ME3: variants seen among roughly 807,000 people sequenced by gnomAD.
ME3 encodes malic enzyme 3, also known as NADP-dependent malic enzyme, mitochondrial.
ME3 carries 48 observed loss-of-function variants against 68.9 expected under a neutral mutation model. The ratio of observed to expected loss-of-function variants is 0.70; its 90% confidence interval spans 0.55 to 0.89. The LOEUF is 0.89. Among genes scored for constraint, ME3 ranks in the 40% least tolerant of loss-of-function variants. ME3 has a pLI of 0.00. For synonymous variants in ME3, 320 were observed against 318.8 expected, an observed-to-expected ratio of 1.00 and a Z score of -0.04; for missense variants, 675 against 797.4, an observed-to-expected ratio of 0.85 and a Z score of 1.85.
chr11:86,553,260 G>A (rs1057154710), intron 4 of ME3, among the ~76,000 whole-genome samples: 1 of 152,242 alleles, frequency 6.6e-6, no homozygotes, highest in Non-Finnish European at 1.5e-5. Context: ...AGGCAGGTTG[G>A]AGTCTCAATT....
chr11:86,601,225 A>G (rs1478379320), intron 2 of ME3, among the ~76,000 whole-genome samples: 29 of 152,214 alleles, frequency 1.9e-4, no homozygotes, highest in Non-Finnish European at 3.2e-4. Flanking sequence ...TAAAGAAAAA[A>G]AGAGAGAAGA....
chr11:86,603,110 A>C (rs1960989375), intron 2 of ME3, among the ~76,000 whole-genome samples: 1 of 152,244 alleles, frequency 6.6e-6, no homozygotes, highest in African/African-American at 2.4e-5. Flanking sequence ...TATCTAATTA[A>C]ACTAAAGAGC....
At chr11:86,448,817 G>A (rs74410015) in intron 10 of ME3, among the ~76,000 whole-genome samples, 8,161 of 152,276 alleles carry the variant, frequency 0.054, 297 homozygotes, top group Non-Finnish European at 0.084. Flanking sequence ...CATAAGTGCT[G>A]GTAAATGGGT....
intron 4 of ME3, among the ~76,000 whole-genome samples, chr11:86,529,743 C>G: frequency 6.6e-6 from 1 of 152,024 alleles, no homozygotes. Flanking sequence ...ATAAACAGAA[C>G]CAAAGACAAA....
rs549892230 is a variant in ME3, at chr11:86,471,054, C to T, written c.810-5854G>A. On this transcript the variant is annotated intron_variant, in intron 7 of 14. Transcript: ENST00000543262. ...CCACTGTGGGCCTTTGCACGGTCCC[C>T]TGTCTTTGCTCAAGCTGCTGGTTCT... 2.0e-5 allele frequency among the ~76,000 whole-genome samples: 3 copies of T among 151,554 alleles called. No individual in the cohort carries two copies. The South Asian group carries it at 6.2e-4, about 32-fold the overall frequency.
intron 7 of ME3, among the ~76,000 whole-genome samples, chr11:86,480,862 G>A (rs998377334): frequency 2.0e-5 from 3 of 152,068 alleles, no homozygotes; most frequent in Non-Finnish European, 4.4e-5. Flanking sequence ...TCCATGGCAG[G>A]GTGAGCTCAG....
At chr11:86,608,166 A>T (rs760272476) in intron 2 of ME3, among the ~76,000 whole-genome samples, 4 of 152,212 alleles carry the variant, frequency 2.6e-5, no homozygotes, top group Non-Finnish European at 4.4e-5. Context: ...GGAAGGTTCC[A>T]AACATTTTTA....
At chr11:86,652,709 A>C (rs936477262) in intron 2 of ME3, among the ~76,000 whole-genome samples, 19 of 152,040 alleles carry the variant, frequency 1.2e-4, no homozygotes, top group Non-Finnish European at 2.8e-4. Flanking sequence ...TCACCAGCTA[A>C]CATCATAATG....
intron 8 of ME3, among the ~76,000 whole-genome samples, chr11:86,460,727 T>C (rs1439899528): frequency 6.6e-6 from 1 of 152,256 alleles, no homozygotes. Context: ...CCCAACCCTC[T>C]GTGGTTCTGT....
At chr11:86,506,703 A>G (rs1376200926) in intron 5 of ME3, among the ~76,000 whole-genome samples, 1 of 152,316 alleles carries the variant, frequency 6.6e-6, no homozygotes, top group Non-Finnish European at 1.5e-5. Flanking sequence ...AACTGAATTC[A>G]TCCAACTCTG....
At chr11:86,670,454 C>T (rs1027845957) in intron 2 of ME3, among the ~76,000 whole-genome samples, 1 of 152,158 alleles carries the variant, frequency 6.6e-6, no homozygotes. Context: ...ATAAAGGAGC[C>T]TTTGTGTGCT....
chr11:86,451,562 C>T (rs1196501107), intron 8 of ME3, among the ~76,000 whole-genome samples: 1 of 152,204 alleles, frequency 6.6e-6, no homozygotes. Context: ...AATGATTAAC[C>T]TGTCAAACAC....
At chr11:86,493,265 C>G (rs1337531502) in intron 6 of ME3, among the ~76,000 whole-genome samples, 1 of 152,234 alleles carries the variant, frequency 6.6e-6, no homozygotes, top group Non-Finnish European at 1.5e-5. Context: ...CCTAACCAAA[C>G]ATGACTCCCC....
intron 2 of ME3, among the ~76,000 whole-genome samples, chr11:86,598,809 G>A (rs185517842): frequency 1.5e-3 from 223 of 152,280 alleles, no homozygotes; most frequent in Middle Eastern, 3.4e-3. Flanking sequence ...CCACAGTTCT[G>A]CAGACACCGC....
intron 2 of ME3, among the ~76,000 whole-genome samples, chr11:86,602,803 A>G (rs970599436): frequency 6.6e-6 from 1 of 152,216 alleles, no homozygotes; most frequent in African/African-American, 2.4e-5. Context: ...CCACATATCT[A>G]CAACTATCTG....
rs1594387438 is a variant in ME3 at position 86,546,314 on chromosome 11, G to A, written c.467+10239C>T. Among the ~76,000 whole-genome samples the A allele has an allele frequency of 2.0e-5, 3 of 152,260 alleles. No homozygotes were observed. In the South Asian group the frequency reaches 6.2e-4, roughly 32 times the overall value. ...GGCAACAAAGCCAAAATTGATAACT[G>A]TGATCTAATTAAACTAAAAAGCTTC... On this transcript the variant is annotated intron_variant, in intron 4 of 14. Coordinates refer to ENST00000543262, the Ensembl canonical transcript of ME3.
chr11:86,436,946 A>T (rs1315972902), downstream of ME3: 1 of 152,180 alleles, frequency 6.6e-6, no homozygotes, highest in Admixed American at 6.5e-5. Context: ...GTATAAATTT[A>T]AGGTGTACAA....
intron 5 of ME3, among the ~76,000 whole-genome samples, chr11:86,499,264 G>A (rs1952563719): frequency 6.6e-6 from 1 of 152,134 alleles, no homozygotes; most frequent in African/African-American, 2.4e-5. Flanking sequence ...AAAATGGGAA[G>A]TCAGGCAGGA....
At position 86,446,794 on chromosome 11, in the gene ME3, G is replaced by C. The variant is rs867820639; in HGVS notation, c.1380+271C>G. ...TGGCCTAGAGTCTACAAGTGCCTCAGGTTTTGGGTGCTGGTCAAAGCTCTG... is the reference window on the plus strand; with the variant it reads ...TGGCCTAGAGTCTACAAGTGCCTCACGTTTTGGGTGCTGGTCAAAGCTCTG... On this transcript the variant is annotated intron_variant, in intron 12 of 14. Transcript: ENST00000543262. The C allele has an allele frequency of 3.2e-5, 19 of 592,298 alleles. No individual in the cohort carries two copies. The South Asian group carries it at 3.8e-4, about 12-fold the overall frequency. 36.7% of individuals were successfully genotyped at this position (592,298 alleles called of 1,614,324 possible). A position where few individuals can be genotyped will look rare whatever the true frequency, so the allele number is the denominator to read the frequency against.
Sources: allele counts gnomAD v4.1 joint callset (sites outside exome capture counted in the v4.1 genomes callset), GRCh38; gene constraint gnomAD v4.1.1; transcripts MANE v1.5; gene names NCBI Gene and HGNC (gene_info 2026-07-23, HGNC 2026-07-21).